The following PHF21A variants were observed in gnomAD, a reference collection of about 807,000 sequenced individuals.
The protein encoded by PHF21A is PHD finger protein 21A.
In PHF21A, 11 loss-of-function variants were observed where a neutral mutation model predicts 82.5. The observed-to-expected ratio is 0.13, with a 90% CI of 0.08 to 0.22. PHF21A has a LOEUF of 0.22. Ranked by LOEUF, PHF21A falls within the 10% of genes least tolerant of loss-of-function variation. PHF21A has a pLI of 1.00. For synonymous variants in PHF21A, 297 were observed against 302.8 expected (o/e 0.98, Z 0.20); for missense variants, 579 against 837.8 (o/e 0.69, Z 3.81).
intron 6 of PHF21A, among the ~76,000 whole-genome samples, chr11:46,074,864 G>A (rs2096708038): frequency 6.6e-6 from 1 of 152,224 alleles, no homozygotes; most frequent in Non-Finnish European, 1.5e-5. Flanking sequence ...GAGGACGGAT[G>A]AGCTTTTGAA....
intron 6 of PHF21A, among the ~76,000 whole-genome samples, chr11:46,041,089 G>A (rs983200051): frequency 1.3e-5 from 2 of 152,026 alleles, no homozygotes; most frequent in Non-Finnish European, 2.9e-5. Context: ...AGCACTAGAT[G>A]CATGGACTTC....
At chr11:45,936,385 G>A (rs1055483972) in intron 17 of PHF21A, 109 bp downstream of exon 17, 1 of 704,356 alleles carries the variant, frequency 1.4e-6, no homozygotes, top group Non-Finnish European at 2.4e-6. Flanking sequence ...AGGGCAAAAG[G>A]TTTTCATTTT....
chr11:46,079,627 T>C (rs1025726172), intron 4 of PHF21A, among the ~76,000 whole-genome samples: 1 of 152,202 alleles, frequency 6.6e-6, no homozygotes, highest in Non-Finnish European at 1.5e-5. Context: ...TAGTGTCCCA[T>C]GTGACTTTGC....
At chr11:45,956,040 A>T (rs1032326552) in intron 10 of PHF21A, among the ~76,000 whole-genome samples, 2 of 152,200 alleles carry the variant, frequency 1.3e-5, no homozygotes, top group Non-Finnish European at 2.9e-5. Context: ...GAGCAAAAAA[A>T]CCCCTATCAA....
intron 6 of PHF21A, among the ~76,000 whole-genome samples, chr11:46,009,478 C>G (rs984746569): frequency 6.6e-6 from 1 of 152,192 alleles, no homozygotes; most frequent in Non-Finnish European, 1.5e-5. Flanking sequence ...AATTTAACAT[C>G]TAAACATGTA....
chr11:45,992,847 C>T (rs541767115), intron 6 of PHF21A, among the ~76,000 whole-genome samples: 2 of 152,232 alleles, frequency 1.3e-5, no homozygotes, highest in Non-Finnish European at 2.9e-5. Flanking sequence ...GCTTAAAGTA[C>T]CTTACATATA....
intron 6 of PHF21A, among the ~76,000 whole-genome samples, chr11:46,059,890 C>T (rs1454183833): frequency 6.6e-6 from 1 of 152,084 alleles, no homozygotes; most frequent in African/African-American, 2.4e-5. Context: ...CCACGCCCAG[C>T]TGATTTTATT....
chr11:46,083,320 C>A (rs2096816851), intron 4 of PHF21A, among the ~76,000 whole-genome samples: 1 of 152,110 alleles, frequency 6.6e-6, no homozygotes, highest in Non-Finnish European at 1.5e-5. Context: ...AAGTTCTCAC[C>A]CACACTAATT....
intron 6 of PHF21A, among the ~76,000 whole-genome samples, chr11:46,001,680 C>G (rs2095136030): frequency 6.6e-6 from 1 of 152,178 alleles, no homozygotes; most frequent in Non-Finnish European, 1.5e-5. Context: ...AAGAGAAAGG[C>G]TGTGTGCATC....
chr11:46,058,772 A>G (rs533187631), intron 6 of PHF21A, among the ~76,000 whole-genome samples: 19 of 152,284 alleles, frequency 1.2e-4, no homozygotes, highest in Admixed American at 5.2e-4. Flanking sequence ...GGCTTATTAC[A>G]TTCTCTTTAC....
At chr11:46,072,996 G>A (rs1258738074) in intron 6 of PHF21A, among the ~76,000 whole-genome samples, 1 of 152,086 alleles carries the variant, frequency 6.6e-6, no homozygotes, top group African/African-American at 2.4e-5. Context: ...ATCAGGGTGT[G>A]GGGAGTGAGA....
chr11:45,956,895 T>C (rs2092682602), intron 10 of PHF21A, among the ~76,000 whole-genome samples: 1 of 152,094 alleles, frequency 6.6e-6, no homozygotes, highest in South Asian at 2.1e-4. Flanking sequence ...AAACACATGA[T>C]CTAATGATAT....
At chr11:45,982,315 T>C (rs1405798728) in intron 6 of PHF21A, among the ~76,000 whole-genome samples, 1 of 152,160 alleles carries the variant, frequency 6.6e-6, no homozygotes, top group Non-Finnish European at 1.5e-5. Context: ...TAAAATATCA[T>C]ATAAAGGCCA....
chr11:46,105,549 G>C (rs2097143970), intron 1 of PHF21A, among the ~76,000 whole-genome samples: 1 of 151,972 alleles, frequency 6.6e-6, no homozygotes. Flanking sequence ...TAAAATGAAT[G>C]TCACTCTGAA....
chr11:45,972,922 A>C (rs974594436), intron 7 of PHF21A, among the ~76,000 whole-genome samples: 10 of 151,800 alleles, frequency 6.6e-5, no homozygotes, highest in Non-Finnish European at 1.3e-4. Flanking sequence ...AAAAACAAAA[A>C]AAAAAATTAG....
At chr11:45,950,434 C>G (rs2091945719) in intron 11 of PHF21A, among the ~76,000 whole-genome samples, 177 bp from the exon 12 acceptor site, 1 of 151,976 alleles carries the variant, frequency 6.6e-6, no homozygotes, top group Admixed American at 6.6e-5. Flanking sequence ...TGTCCAAGCT[C>G]TTGGCTTCCT....
intron 6 of PHF21A, among the ~76,000 whole-genome samples, chr11:45,981,956 T>C (rs1392140171): frequency 4.9e-5 from 7 of 144,238 alleles, no homozygotes; most frequent in Non-Finnish European, 9.1e-5. Flanking sequence ...TTTTTTTTTT[T>C]TTTTTTTTTG....
intron 7 of PHF21A, among the ~76,000 whole-genome samples, chr11:45,971,970 A>G (rs2093786829): frequency 6.8e-6 from 1 of 146,540 alleles, no homozygotes; most frequent in African/African-American, 2.5e-5. Flanking sequence ...CCTCTGAGGT[A>G]GTTACCCTGG....
chr11:45,942,462 T>C (rs1028157641), intron 15 of PHF21A, among the ~76,000 whole-genome samples: 1 of 152,204 alleles, frequency 6.6e-6, no homozygotes, highest in African/African-American at 2.4e-5. Context: ...CCTTTGGCAA[T>C]ACTTCAACTG....
Sources: allele counts gnomAD v4.1 joint callset (sites outside exome capture counted in the v4.1 genomes callset), GRCh38; gene constraint gnomAD v4.1.1; transcripts MANE v1.5; gene names NCBI Gene and HGNC (gene_info 2026-07-23, HGNC 2026-07-21).